Variants in SGCZ observed in about 807,000 individuals in gnomAD.
The protein encoded by SGCZ is zeta-sarcoglycan.
A neutral mutation model predicts 41.3 loss-of-function variants in SGCZ; 40 were observed. The observed-to-expected ratio is 0.97, with a 90% confidence interval of 0.75 to 1.26. The LOEUF (loss-of-function observed/expected upper bound fraction) is 1.26, where lower values mean the gene tolerates loss of function less well. Among genes scored for constraint, SGCZ ranks in the 50% most tolerant of loss-of-function variants. The pLI, the probability that SGCZ is intolerant of heterozygous loss-of-function variation, is 0.00. For missense variants in SGCZ, 552 were observed against 369.8 expected (o/e 1.49, Z -4.04); for synonymous variants, 206 against 137.5 (o/e 1.50, Z -3.49).
At chr8:14,628,151 A>G (rs2117389449) in intron 1 of SGCZ, among the ~76,000 whole-genome samples, 1 of 152,208 alleles carries the variant, frequency 6.6e-6, no homozygotes, top group South Asian at 2.1e-4. Flanking sequence ...AATTTCACAA[A>G]AAACCTTTTA....
chr8:15,020,374 G>A (rs1241965952), intron 1 of SGCZ, among the ~76,000 whole-genome samples: 4 of 152,072 alleles, frequency 2.6e-5, no homozygotes, highest in Admixed American at 6.6e-5. Context: ...ACAGGAACAG[G>A]CTCGTGCAGC....
intron 1 of SGCZ, among the ~76,000 whole-genome samples, chr8:15,144,144 G>A (rs144015072): frequency 2.0e-5 from 3 of 152,180 alleles, no homozygotes; most frequent in Non-Finnish European, 4.4e-5. Context: ...GGAAACATCA[G>A]TTTCTGGCAT....
chr8:14,197,490 G>C (rs1585222196), intron 4 of SGCZ, among the ~76,000 whole-genome samples: 1 of 151,802 alleles, frequency 6.6e-6, no homozygotes, highest in Admixed American at 6.6e-5. Context: ...TGCAAGGCTG[G>C]TATGTTCAGC....
intron 2 of SGCZ, among the ~76,000 whole-genome samples, chr8:14,342,204 G>C (rs898821247): frequency 1.3e-5 from 2 of 152,208 alleles, no homozygotes; most frequent in African/African-American, 4.8e-5. Context: ...CTGGAGCAAA[G>C]CTGACTCTTG....
At chr8:14,659,686 G>T (rs1347954947) in intron 1 of SGCZ, among the ~76,000 whole-genome samples, 1 of 152,062 alleles carries the variant, frequency 6.6e-6, no homozygotes, top group Non-Finnish European at 1.5e-5. Context: ...TCAACCAATT[G>T]CTCTCTGCTC....
chr8:14,955,779 A>G (rs1800772548), intron 1 of SGCZ, among the ~76,000 whole-genome samples: 6 of 152,150 alleles, frequency 3.9e-5, no homozygotes, highest in Middle Eastern at 3.2e-3. Flanking sequence ...TCACTTTTGA[A>G]TCATGTATAT....
intron 2 of SGCZ, among the ~76,000 whole-genome samples, chr8:14,548,699 T>A (rs1283090198): frequency 6.6e-6 from 1 of 152,154 alleles, no homozygotes; most frequent in Non-Finnish European, 1.5e-5. Flanking sequence ...AATTAGATTA[T>A]AATTAGTGGG....
chr8:14,944,036 A>C (rs1800363750), intron 1 of SGCZ, among the ~76,000 whole-genome samples: 1 of 152,018 alleles, frequency 6.6e-6, no homozygotes, highest in African/African-American at 2.4e-5. Context: ...AATTCCATGT[A>C]TTTGCTACTG....
chr8:14,987,580 C>T (rs1004135204), intron 1 of SGCZ, among the ~76,000 whole-genome samples: 1 of 151,918 alleles, frequency 6.6e-6, no homozygotes, highest in Non-Finnish European at 1.5e-5. Flanking sequence ...TATTAGTATA[C>T]TTTCATCTTC....
chr8:15,112,913 G>T (rs1332267387), intron 1 of SGCZ, among the ~76,000 whole-genome samples: 1 of 152,078 alleles, frequency 6.6e-6, no homozygotes, highest in Non-Finnish European at 1.5e-5. Flanking sequence ...CGTTGTGTGG[G>T]TAGTTTATTA....
chr8:14,895,543 G>A (rs1251654415), intron 1 of SGCZ, among the ~76,000 whole-genome samples: 1 of 152,040 alleles, frequency 6.6e-6, no homozygotes, highest in African/African-American at 2.4e-5. Context: ...AATCCATAAG[G>A]ACTGATAGAA....
At chr8:14,199,312 G>A (rs1038406761) in intron 4 of SGCZ, among the ~76,000 whole-genome samples, 3 of 152,166 alleles carry the variant, frequency 2.0e-5, no homozygotes, top group Admixed American at 6.5e-5. Context: ...ATTAGGACAA[G>A]GAAATTCCTG....
intron 4 of SGCZ, among the ~76,000 whole-genome samples, chr8:14,182,870 C>G (rs1282911146): frequency 1.3e-5 from 2 of 151,640 alleles, no homozygotes; most frequent in Admixed American, 6.6e-5. Flanking sequence ...ATTAGCTGAG[C>G]GGGGAGGCAG....
intron 4 of SGCZ, among the ~76,000 whole-genome samples, chr8:14,208,293 T>A (rs1805683825): frequency 6.6e-6 from 1 of 152,178 alleles, no homozygotes; most frequent in Non-Finnish European, 1.5e-5. Context: ...TGAAACTGTG[T>A]TTATCAGTTA....
chr8:14,934,501 G>A (rs1032765419), intron 1 of SGCZ, among the ~76,000 whole-genome samples: 8 of 151,698 alleles, frequency 5.3e-5, no homozygotes, highest in South Asian at 4.2e-4. Flanking sequence ...AGCCACAGAT[G>A]AAGATATAAT....
chr8:14,337,551 T>G (rs913149269), intron 2 of SGCZ, among the ~76,000 whole-genome samples: 1 of 152,166 alleles, frequency 6.6e-6, no homozygotes, highest in Admixed American at 6.6e-5. Flanking sequence ...GGAAAAGTGA[T>G]GACCCAGTTA....
chr8:14,986,994 T>C (rs1563412936), intron 1 of SGCZ, among the ~76,000 whole-genome samples: 2 of 151,868 alleles, frequency 1.3e-5, no homozygotes, highest in Admixed American at 6.6e-5. Flanking sequence ...TTGAGATTCA[T>C]CATAATATAA....
At chr8:14,579,707 G>A (rs1804822775) in intron 1 of SGCZ, among the ~76,000 whole-genome samples, 1 of 152,066 alleles carries the variant, frequency 6.6e-6, no homozygotes, top group Non-Finnish European at 1.5e-5. Context: ...TAGGATTCTG[G>A]ACAAAGAAAA....
intron 2 of SGCZ, among the ~76,000 whole-genome samples, chr8:14,428,161 CACAT>C (rs1563322845): frequency 2.0e-5 from 3 of 151,274 alleles, no homozygotes; most frequent in Non-Finnish European, 4.4e-5. Context: ...CACACACACA[CACAT>C]ACACACATGC....
Sources: gnomAD v4.1 joint callset for allele counts (sites outside exome capture counted in the v4.1 genomes callset) on GRCh38, gnomAD v4.1.1 for gene constraint, MANE v1.5 for transcripts, NCBI Gene and HGNC (gene_info 2026-07-23, HGNC 2026-07-21) for gene names.